Variants in PTCHD4 observed in about 807,000 individuals in gnomAD.
The protein encoded by PTCHD4 is patched domain-containing protein 4.
A neutral mutation model predicts 58.1 loss-of-function variants in PTCHD4; 33 were observed. The observed-to-expected ratio is 0.57, with a 90% CI of 0.43 to 0.76. The LOEUF is 0.76. PTCHD4 is among the 30% of genes least tolerant of loss of function. The pLI is 0.00. For missense variants in PTCHD4, 1,058 were observed against 1,027.1 expected (o/e 1.03, Z -0.41); for synonymous variants, 478 against 409.6 (o/e 1.17, Z -2.02).
intron 4 of PTCHD4, among the ~76,000 whole-genome samples, chr6:47,888,691 T>C (rs866765804): frequency 6.6e-6 from 1 of 151,848 alleles, no homozygotes; most frequent in East Asian, 1.9e-4. Context: ...AGTTTTAGGG[T>C]ACATGTGCAC....
chr6:48,057,403 C>T (rs1198657693), intron 3 of PTCHD4, among the ~76,000 whole-genome samples: 1 of 152,134 alleles, frequency 6.6e-6, no homozygotes, highest in Non-Finnish European at 1.5e-5. Flanking sequence ...TATATCCTCC[C>T]AGGCAAATTA....
intron 3 of PTCHD4, among the ~76,000 whole-genome samples, chr6:48,023,068 T>G (rs1354269001): frequency 3.9e-5 from 6 of 152,188 alleles, no homozygotes; most frequent in Non-Finnish European, 7.4e-5. Flanking sequence ...CAGCAGCACA[T>G]TAAACTATGT....
intron 4 of PTCHD4, among the ~76,000 whole-genome samples, chr6:47,942,492 T>C (rs1481086271): frequency 6.6e-6 from 1 of 152,114 alleles, no homozygotes; most frequent in Non-Finnish European, 1.5e-5. Flanking sequence ...AGCTGCAGGA[T>C]CTTTCTCTGT....
chr6:48,011,998 G>A (rs1434982595), intron 3 of PTCHD4, among the ~76,000 whole-genome samples: 2 of 152,100 alleles, frequency 1.3e-5, no homozygotes, highest in African/African-American at 4.8e-5. Flanking sequence ...TTTGAAGTCA[G>A]GTAGCGTGAT....
chr6:48,102,074 C>A (rs1448080905), intron 1 of PTCHD4, among the ~76,000 whole-genome samples: 1 of 152,224 alleles, frequency 6.6e-6, no homozygotes, highest in Non-Finnish European at 1.5e-5. Flanking sequence ...CCCCAGGCTA[C>A]CAATACTGTC....
intron 1 of PTCHD4, among the ~76,000 whole-genome samples, chr6:48,105,691 A>G: frequency 6.6e-6 from 1 of 152,220 alleles, no homozygotes; most frequent in Non-Finnish European, 1.5e-5. Context: ...AACAAAATTG[A>G]TAGACCGCTA....
chr6:48,097,776 A>G (rs1765505662), intron 1 of PTCHD4, among the ~76,000 whole-genome samples: 1 of 152,224 alleles, frequency 6.6e-6, no homozygotes. Context: ...GGTTTGCTGT[A>G]GGAAGAAAAA....
Position 47,879,479 on chromosome 6 carries a change from A to T in PTCHD4, c.1356T>A (p.Asn452Lys), listed in dbSNP as rs1477581065. ...FIQHFLREHYNEWITNIYVKP... is the reference protein window; with the variant it reads ...FIQHFLREHYKEWITNIYVKP... ...TCACATATATATTGGTAATCCATTC[A>T]TTATAATGTTCACGGAGGAAGTGCT... Residue 452 changes from asparagine (N) to lysine (K), a missense_variant, in exon 5 of 5, where the codon AAT (asparagine) becomes AAA (lysine). Transcript: ENST00000339488. 2 of 1,613,690 alleles carry T rather than the reference A, an allele frequency of 1.2e-6. No homozygotes were observed. Among genetic ancestry groups the T allele is most frequent in the Non-Finnish European group, 1.7e-6 (2 of 1,179,724 alleles).
intron 3 of PTCHD4, among the ~76,000 whole-genome samples, chr6:48,047,240 C>T (rs547734438): frequency 1.4e-3 from 220 of 151,808 alleles, no homozygotes; most frequent in Non-Finnish European, 2.4e-3. Flanking sequence ...TGGCCAGCTT[C>T]CAGTTAGGAA....
chr6:47,893,570 T>C (rs1337551904), intron 4 of PTCHD4, among the ~76,000 whole-genome samples: 1 of 152,200 alleles, frequency 6.6e-6, no homozygotes, highest in East Asian at 1.9e-4. Context: ...ATCTATTAGA[T>C]GGACAAATGA....
intron 4 of PTCHD4, chr6:47,899,669 C>G (rs999436744): frequency 6.6e-6 from 4 of 603,734 alleles, no homozygotes; most frequent in Non-Finnish European, 6.2e-6. Context: ...TAAAAGTGTA[C>G]AATTTAAAAG....
At chr6:48,036,415 C>T (rs2249530) in intron 3 of PTCHD4, among the ~76,000 whole-genome samples, 121,387 of 151,968 alleles carry the variant, frequency 0.8, 48,510 homozygotes, top group Middle Eastern at 0.85. Flanking sequence ...AAATGGAAAA[C>T]TCCAGGAATA....
intron 4 of PTCHD4, among the ~76,000 whole-genome samples, chr6:47,908,824 A>G (rs1050506468): frequency 6.6e-6 from 1 of 152,202 alleles, no homozygotes; most frequent in African/African-American, 2.4e-5. Flanking sequence ...ATTATGAAAT[A>G]TTCATTTTAA....
At position 48,024,106 on chromosome 6, in the gene PTCHD4, T is replaced by C. The variant is rs185446744; in HGVS notation, c.418-14992A>G. Among the ~76,000 whole-genome samples, 9 of 152,332 alleles carry C rather than the reference T, an allele frequency of 5.9e-5. No individual in the cohort carries two copies. In the East Asian group the frequency reaches 1.5e-3, roughly 26 times the overall value. ...CTCATAAGCTTTATTATAAGAATTA[T>C]GTTTGATGATATTTGATGAGAGATA... is the stretch of plus-strand genomic sequence containing the variant. On this transcript the variant is annotated intron_variant, in intron 3 of 4. Transcript: ENST00000339488.
chr6:47,957,417 A>T (rs570322670), intron 4 of PTCHD4, among the ~76,000 whole-genome samples: 1 of 150,662 alleles, frequency 6.6e-6, no homozygotes, highest in South Asian at 2.1e-4. Context: ...TTTGCTAAAG[A>T]TGTACTTTCT....
rs76452037 is a variant in PTCHD4 at position 48,037,326 on chromosome 6, C to T, written c.418-28212G>A. 5.5e-4 allele frequency among the ~76,000 whole-genome samples: 83 copies of T among 152,148 alleles called. No individual in the cohort carries two copies. In the East Asian group the frequency reaches 9.1e-3, roughly 17 times the overall value. ...ATAGGTATGTATGTGTAGGAAAAAA[C>T]AGTATATACAGGGTTTGGTACTGTC... is the stretch of plus-strand genomic sequence containing the variant. On this transcript the variant is annotated intron_variant, in intron 3 of 4. Coordinates refer to ENST00000339488, the MANE Select transcript of PTCHD4 (RefSeq NM_001384253.1).
chr6:47,942,438 T>TA (rs1354546541), intron 4 of PTCHD4, among the ~76,000 whole-genome samples: 4 of 152,000 alleles, frequency 2.6e-5, no homozygotes, highest in Non-Finnish European at 5.9e-5. Context: ...AAAACACAAT[T>TA]AAAAAAATAA....
At chr6:47,981,107 C>T (rs1314861696) in intron 4 of PTCHD4, among the ~76,000 whole-genome samples, 1 of 152,130 alleles carries the variant, frequency 6.6e-6, no homozygotes, top group African/African-American at 2.4e-5. Context: ...TGAACAACAA[C>T]TTGGGTAATG....
At position 47,869,384 on chromosome 6, in the gene PTCHD4, T is replaced by A. The variant is rs1763659472; in HGVS notation, c.*8919A>T. ...AGCTCTCATATGGTGAGAAAAATGT[T>A]GGTTCAAGTATTTTTATAGTTAATA... is the stretch of plus-strand genomic sequence containing the variant. On this transcript the variant is annotated 3_prime_UTR_variant, in exon 5 of 5. Transcript: ENST00000339488. Among the ~76,000 whole-genome samples, 1 of 151,766 alleles carries A rather than the reference T, an allele frequency of 6.6e-6. No individual in the cohort carries two copies. Among genetic ancestry groups the A allele is most frequent in the East Asian group, 1.9e-4 (1 of 5,154 alleles).
Sources: gnomAD v4.1 joint callset for allele counts (sites outside exome capture counted in the v4.1 genomes callset) on GRCh38, gnomAD v4.1.1 for gene constraint, MANE v1.5 for transcripts, NCBI Gene and HGNC (gene_info 2026-07-23, HGNC 2026-07-21) for gene names.